OPHN1: variants seen among roughly 807,000 people sequenced by gnomAD.
The protein encoded by OPHN1 is oligophrenin-1.
In OPHN1, 11 loss-of-function variants were observed where a neutral mutation model predicts 60.7. That is an observed-to-expected ratio of 0.18 (90% CI 0.11 to 0.30). OPHN1 has a LOEUF of 0.30. OPHN1 is among the 10% of genes least tolerant of loss of function. The probability of loss-of-function intolerance (pLI) is 1.00; values close to 1 mark genes in which losing one functional copy is unlikely to be tolerated. For missense variants in OPHN1, 449 were observed against 611.0 expected (o/e 0.73, Z 2.80); for synonymous variants, 226 against 222.6 (o/e 1.02, Z -0.14).
At chrX:68,151,045 G>A (rs931436855) in intron 15 of OPHN1, among the ~76,000 whole-genome samples, 1 of 111,593 alleles carries the variant, frequency 9.0e-6, no homozygotes, top group Non-Finnish European at 1.9e-5. Context: ...CAAAAATGCA[G>A]GACTATGACA....
chrX:68,309,759 C>A (rs1178324882), intron 2 of OPHN1, among the ~76,000 whole-genome samples: 1 of 111,948 alleles, frequency 8.9e-6, no homozygotes, highest in Non-Finnish European at 1.9e-5. Context: ...TTTTCCTGGT[C>A]TATTTAGTGC....
intron 15 of OPHN1, among the ~76,000 whole-genome samples, chrX:68,132,656 A>C (rs2077200552): frequency 1.0e-5 from 1 of 100,477 alleles, no homozygotes; most frequent in Admixed American, 1.1e-4. Flanking sequence ...ATATGTAACT[A>C]ACCTGCACAA....
rs761967695 is a variant in OPHN1 at position 68,195,636 on chromosome X, GCAA to G, written c.1105-1141_1105-1139del. 7.1e-5 allele frequency among the ~76,000 whole-genome samples: 8 copies of G among 112,169 alleles called. No individual in the cohort carries two copies. The South Asian group carries it at 1.9e-3, about 26-fold the overall frequency. On this transcript the variant is annotated intron_variant, in intron 12 of 24. Coordinates refer to ENST00000355520, the MANE Select transcript of OPHN1 (RefSeq NM_002547.3). ...GTGAACTGGAGTGTTTAGTAAAGGA[GCAA>G]CAACATTAGTAATGTGAGGTTGCAG...
intron 15 of OPHN1, 68 bp from the exon 16 acceptor site, chrX:68,119,400 A>G: frequency 1.2e-6 from 1 of 833,359 alleles, no homozygotes; most frequent in Non-Finnish European, 1.8e-6. Flanking sequence ...TCCCTCTTTT[A>G]AAAGAAAAAC....
intron 5 of OPHN1, among the ~76,000 whole-genome samples, chrX:68,274,429 A>G (rs1208120670): frequency 8.9e-6 from 1 of 111,818 alleles, no homozygotes; most frequent in Non-Finnish European, 1.9e-5. Flanking sequence ...ACAGATACAG[A>G]GCCTGTTGGC....
intron 2 of OPHN1, among the ~76,000 whole-genome samples, chrX:68,313,934 C>G (rs2078185836): frequency 1.8e-5 from 2 of 110,892 alleles, no homozygotes; most frequent in Admixed American, 1.9e-4. Flanking sequence ...CATTGTATGC[C>G]TGTATCAAAA....
intron 2 of OPHN1, among the ~76,000 whole-genome samples, chrX:68,299,971 G>A (rs778295265): frequency 8.2e-5 from 9 of 110,290 alleles, no homozygotes; most frequent in Non-Finnish European, 1.7e-4. Context: ...AATGCACATT[G>A]CCAAGCCCTA....
Position 68,342,090 on chromosome X carries a change from C to T in OPHN1, c.155-42994G>A, listed in dbSNP as rs368109466. 2.2e-4 allele frequency among the ~76,000 whole-genome samples: 23 copies of T among 105,853 alleles called. No homozygotes were observed. In the South Asian group the frequency reaches 1.0e-2, roughly 46 times the overall value. 91.9% of individuals were successfully genotyped at this position (105,853 alleles called of 115,157 possible). ...GCTCAAGTGATCCTCCCACCTCAGG[C>T]TCCTGAATAGCTGGGACCACAGGTG... is the stretch of plus-strand genomic sequence containing the variant. On this transcript the variant is annotated intron_variant, in intron 2 of 24. Transcript: ENST00000355520.
At chrX:68,321,335 C>T (rs954914842) in intron 2 of OPHN1, among the ~76,000 whole-genome samples, 2 of 111,769 alleles carry the variant, frequency 1.8e-5, no homozygotes, top group African/African-American at 3.3e-5. Context: ...GCTCAAAGAC[C>T]GAATACATAT....
intron 19 of OPHN1, among the ~76,000 whole-genome samples, chrX:68,083,353 T>A (rs2076982759): frequency 9.1e-6 from 1 of 110,321 alleles, no homozygotes; most frequent in Admixed American, 9.6e-5. Flanking sequence ...ATTACAGGCG[T>A]GAGCCACCGC....
At chrX:68,357,269 T>C (rs925690042) in intron 2 of OPHN1, among the ~76,000 whole-genome samples, 7 of 111,950 alleles carry the variant, frequency 6.3e-5, no homozygotes, top group African/African-American at 2.3e-4. Flanking sequence ...TTTTTTATTA[T>C]ACTTTAAGTT....
At chrX:68,414,706 T>G (rs1301961309) in intron 2 of OPHN1, among the ~76,000 whole-genome samples, 1 of 111,631 alleles carries the variant, frequency 9.0e-6, no homozygotes, top group African/African-American at 3.3e-5. Flanking sequence ...GCCACCCAGA[T>G]AGTAAATAGG....
At chrX:68,224,767 G>A (rs1644740929) in intron 6 of OPHN1, among the ~76,000 whole-genome samples, 1 of 112,356 alleles carries the variant, frequency 8.9e-6, no homozygotes, top group Admixed American at 9.4e-5. Flanking sequence ...GTTCCAAGAT[G>A]GCTGAATAGG....
Position 68,359,820 on chromosome X carries a change from C to A in OPHN1, c.155-60724G>T, listed in dbSNP as rs1315969996. 3.2e-5 allele frequency among the ~76,000 whole-genome samples: 3 copies of A among 93,612 alleles called. No individual in the cohort carries two copies. The East Asian group carries it at 1.0e-3, about 32-fold the overall frequency. 81.3% of individuals were successfully genotyped at this position (93,612 alleles called of 115,157 possible). A position where few individuals can be genotyped will look rare whatever the true frequency, so the allele number is the denominator to read the frequency against. On this transcript the variant is annotated intron_variant, in intron 2 of 24. Coordinates refer to ENST00000355520, the MANE Select transcript of OPHN1 (RefSeq NM_002547.3). ...GCAGTGAACGGAGATCGTGCCACTG[C>A]ACTCCAGCCTGGGCGACAGAGCGAG...
At chrX:68,354,964 C>G (rs1479371424) in intron 2 of OPHN1, among the ~76,000 whole-genome samples, 1 of 111,431 alleles carries the variant, frequency 9.0e-6, no homozygotes, top group Non-Finnish European at 1.9e-5. Flanking sequence ...AATGGACATC[C>G]AGATCCTGTC....
chrX:68,433,587 A>G (rs2078897196), upstream of OPHN1: 1 of 293,417 alleles, frequency 3.4e-6, no homozygotes, highest in Non-Finnish European at 6.0e-6. Flanking sequence ...CCCGAGGACC[A>G]AACCGGAGCG....
intron 15 of OPHN1, among the ~76,000 whole-genome samples, chrX:68,163,383 A>G (rs1179670055): frequency 3.6e-5 from 4 of 109,672 alleles, no homozygotes; most frequent in African/African-American, 1.3e-4. Context: ...ATGTTGTCGC[A>G]AATGGCACAT....
intron 2 of OPHN1, among the ~76,000 whole-genome samples, chrX:68,330,139 G>A (rs1602331571): frequency 1.9e-5 from 2 of 103,670 alleles, no homozygotes; most frequent in Admixed American, 1.1e-4. Context: ...TCACTCTGTC[G>A]CCCAGGCTGG....
intron 2 of OPHN1, among the ~76,000 whole-genome samples, chrX:68,431,722 C>T (rs1425640211): frequency 9.0e-6 from 1 of 111,225 alleles, no homozygotes. Flanking sequence ...GCCACCTCGC[C>T]CAGCCTCGCA....
Sources: gnomAD v4.1 joint callset for allele counts (sites outside exome capture counted in the v4.1 genomes callset) on GRCh38, gnomAD v4.1.1 for gene constraint, MANE v1.5 for transcripts, NCBI Gene and HGNC (gene_info 2026-07-23, HGNC 2026-07-21) for gene names.